CSGALNACT1: variants seen among roughly 807,000 people sequenced by gnomAD.
CSGALNACT1 encodes chondroitin sulfate N-acetylgalactosaminyltransferase 1, also known as beta4GalNAcT-1.
Under a neutral mutation model 51.0 loss-of-function variants are expected in CSGALNACT1, and 52 were observed. That is an observed-to-expected ratio of 1.02 (90% CI 0.82 to 1.29). The LOEUF (loss-of-function observed/expected upper bound fraction) is 1.29, where lower values mean the gene tolerates loss of function less well. CSGALNACT1 is among the 50% of genes most tolerant of loss of function. CSGALNACT1 has a pLI of 0.00. For missense variants in CSGALNACT1, 935 were observed against 679.2 expected (o/e 1.38, Z -4.19); for synonymous variants, 341 against 254.4 (o/e 1.34, Z -3.24).
intron 4 of CSGALNACT1, among the ~76,000 whole-genome samples, chr8:19,490,108 C>G (rs571609976): frequency 6.6e-6 from 1 of 152,324 alleles, no homozygotes; most frequent in African/African-American, 2.4e-5. Flanking sequence ...CAGCAACATT[C>G]AGAAGCCAAT....
intron 8 of CSGALNACT1, among the ~76,000 whole-genome samples, chr8:19,414,825 T>C (rs1483004596): frequency 1.3e-5 from 2 of 152,210 alleles, no homozygotes; most frequent in Non-Finnish European, 2.9e-5. Context: ...TACTGATGTA[T>C]TCCAAGAAGG....
chr8:19,665,987 C>G (rs2059148734), intron 1 of CSGALNACT1, among the ~76,000 whole-genome samples: 1 of 152,136 alleles, frequency 6.6e-6, no homozygotes, highest in Admixed American at 6.5e-5. Flanking sequence ...GAAGATTCCT[C>G]ATTGTTTTAG....
At chr8:19,551,674 TC>T (rs1388325890) in intron 3 of CSGALNACT1, among the ~76,000 whole-genome samples, 1 of 152,162 alleles carries the variant, frequency 6.6e-6, no homozygotes, top group Non-Finnish European at 1.5e-5. Flanking sequence ...TTGGCTTTCC[TC>T]CCAGTGGGCA....
Position 19,443,496 on chromosome 8 carries a change from G to C in CSGALNACT1, c.852-3565C>G, listed in dbSNP as rs1359326664. Among the ~76,000 whole-genome samples the C allele has an allele frequency of 2.6e-5, 4 of 152,250 alleles. 1 individual carries two copies. In the East Asian group the frequency reaches 7.7e-4, roughly 29 times the overall value. ...ACTCACAGTTCCACATGGATGGGGA[G>C]GTCTCACAATCATGGCAGAAGGCAA... On this transcript the variant is annotated intron_variant, in intron 5 of 9. Coordinates refer to ENST00000454498, the Ensembl canonical transcript of CSGALNACT1.
intron 4 of CSGALNACT1, among the ~76,000 whole-genome samples, chr8:19,504,682 G>C (rs2076982018): frequency 6.6e-6 from 1 of 152,140 alleles, no homozygotes; most frequent in Non-Finnish European, 1.5e-5. Flanking sequence ...AGACTTCCAG[G>C]GTTCAAATCC....
At chr8:19,634,312 A>G (rs1487321197) in intron 1 of CSGALNACT1, among the ~76,000 whole-genome samples, 1 of 152,062 alleles carries the variant, frequency 6.6e-6, no homozygotes, top group Non-Finnish European at 1.5e-5. Flanking sequence ...GCAGGTGACT[A>G]GGTTTACATG....
At chr8:19,695,446 T>C (rs1017461843) in intron 1 of CSGALNACT1, among the ~76,000 whole-genome samples, 10 of 152,190 alleles carry the variant, frequency 6.6e-5, no homozygotes, top group African/African-American at 2.4e-4. Flanking sequence ...ATCTCTCTCC[T>C]GGCCTCAACT....
chr8:19,635,783 A>G lies in CSGALNACT1; in HGVS notation c.-543-33918T>C, dbSNP rs181696559. Among the ~76,000 whole-genome samples the G allele has an allele frequency of 1.5e-3, 229 of 152,256 alleles. 1 individual carries two copies. The highest frequency in any genetic ancestry group is 5.1e-3 in the African/African-American group (213 of 41,544). ...TGCTCTGTTGCCCAGGCTGGTGTGT[A>G]GTGGCGTGATCTCCGTTCATTGCAA... On this transcript the variant is annotated intron_variant, in intron 1 of 9. Transcript: ENST00000332246.
intron 1 of CSGALNACT1, among the ~76,000 whole-genome samples, chr8:19,680,124 C>G (rs969948705): frequency 1.3e-5 from 2 of 152,156 alleles, no homozygotes; most frequent in Admixed American, 1.3e-4. Flanking sequence ...CCTCCAAAAG[C>G]CTATTTCACT....
rs185560839 is a variant in CSGALNACT1, at chr8:19,750,708, C to T, written c.-297+7142G>A. Among the ~76,000 whole-genome samples the T allele has an allele frequency of 1.2e-3, 189 of 152,298 alleles. 1 individual carries two copies. Among genetic ancestry groups the T allele is most frequent in the Non-Finnish European group, 1.6e-3 (106 of 68,040 alleles). On this transcript the variant is annotated intron_variant, in intron 1 of 1. Transcript: ENST00000517494. ...CCACCACCAAAGTCTCAAACCCTTC[C>T]TCTCTCCTGCACTGTCTTCACATCT... is the stretch of plus-strand genomic sequence containing the variant.
intron 1 of CSGALNACT1, among the ~76,000 whole-genome samples, chr8:19,748,370 A>AT (rs1160979352): frequency 2.0e-5 from 3 of 152,208 alleles, no homozygotes; most frequent in Admixed American, 2.0e-4. Context: ...CACAGTAGGT[A>AT]TTCAAGATAT....
intron 4 of CSGALNACT1, among the ~76,000 whole-genome samples, chr8:19,504,014 G>C (rs891549144): frequency 1.3e-5 from 2 of 152,160 alleles, no homozygotes; most frequent in African/African-American, 4.8e-5. Flanking sequence ...CCATGAGACA[G>C]TGGTTGTATA....
At chr8:19,684,097 C>A (rs949952004), upstream of CSGALNACT1, among the ~76,000 whole-genome samples, 1 of 151,904 alleles carries the variant, frequency 6.6e-6, no homozygotes, top group African/African-American at 2.4e-5. Flanking sequence ...GCCTGGGAGG[C>A]GGAGATTGCA....
intron 4 of CSGALNACT1, among the ~76,000 whole-genome samples, chr8:19,461,463 C>A (rs2065338501): frequency 6.6e-6 from 1 of 152,042 alleles, no homozygotes; most frequent in African/African-American, 2.4e-5. Flanking sequence ...AACTGCACAG[C>A]AGCCACATTC....
At chr8:19,465,138 C>G (rs1265003815) in intron 4 of CSGALNACT1, among the ~76,000 whole-genome samples, 2 of 152,158 alleles carry the variant, frequency 1.3e-5, no homozygotes, top group African/African-American at 2.4e-5. Context: ...TGTGGTCCAC[C>G]CATACAACAG....
chr8:19,604,961 C>T (rs964922428), upstream of CSGALNACT1, among the ~76,000 whole-genome samples: 2 of 150,760 alleles, frequency 1.3e-5, no homozygotes, highest in African/African-American at 2.4e-5. Context: ...CATAACACAG[C>T]TGCATGGAAG....
intron 4 of CSGALNACT1, among the ~76,000 whole-genome samples, chr8:19,465,309 C>G (rs891772852): frequency 2.0e-5 from 3 of 152,122 alleles, no homozygotes; most frequent in Admixed American, 2.0e-4. Flanking sequence ...TTCAGAGAGA[C>G]AGAGTGTAGA....
chr8:19,654,463 G>A (rs908844567), intron 1 of CSGALNACT1, among the ~76,000 whole-genome samples: 1 of 152,206 alleles, frequency 6.6e-6, no homozygotes, highest in African/African-American at 2.4e-5. Context: ...ACTCCTTAAT[G>A]GTTGAGTGAC....
chr8:19,496,034 C>T (rs1216992305), intron 4 of CSGALNACT1, among the ~76,000 whole-genome samples: 7 of 152,092 alleles, frequency 4.6e-5, no homozygotes, highest in East Asian at 3.9e-4. Context: ...ATAATGACCC[C>T]GTATTCCGGC....
Sources: gnomAD v4.1 joint callset for allele counts (sites outside exome capture counted in the v4.1 genomes callset) on GRCh38, gnomAD v4.1.1 for gene constraint, MANE v1.5 for transcripts, NCBI Gene and HGNC (gene_info 2026-07-23, HGNC 2026-07-21) for gene names.